Variants in ATP6V0A4 observed in about 807,000 individuals in gnomAD.
The protein encoded by ATP6V0A4 is V-type proton ATPase 116 kDa subunit a 4.
ATP6V0A4 carries 86 observed loss-of-function variants against 107.3 expected under a neutral mutation model. That is an observed-to-expected ratio of 0.80 (90% CI 0.67 to 0.96). The LOEUF (loss-of-function observed/expected upper bound fraction) is 0.96. Ranked by LOEUF, ATP6V0A4 falls within the 40% of genes least tolerant of loss-of-function variation. ATP6V0A4 has a pLI of 0.00. For missense variants in ATP6V0A4, 908 were observed against 1,045.6 expected, an observed-to-expected ratio of 0.87 and a Z score of 1.81; for synonymous variants, 353 against 381.4, an observed-to-expected ratio of 0.93 and a Z score of 0.87.
At chr7:138,745,521 G>A (rs1805870624) in intron 13 of ATP6V0A4, among the ~76,000 whole-genome samples, 1 of 151,708 alleles carries the variant, frequency 6.6e-6, no homozygotes, top group Non-Finnish European at 1.5e-5. Context: ...AACCATATAG[G>A]CAAAAATTAG....
chr7:138,744,755 T>G (rs1805824953), intron 14 of ATP6V0A4, among the ~76,000 whole-genome samples: 1 of 151,880 alleles, frequency 6.6e-6, no homozygotes, highest in East Asian at 1.9e-4. Context: ...CAGGCTGGAG[T>G]GCAGTGGCGC....
intron 2 of ATP6V0A4, among the ~76,000 whole-genome samples, chr7:138,778,823 T>C (rs6979424): frequency 0.36 from 54,635 of 151,820 alleles, 11,546 homozygotes; most frequent in Admixed American, 0.49. Context: ...TTGCCCCTGT[T>C]GGGGGTGTCA....
Position 138,739,534 on chromosome 7 carries a change from T to C in ATP6V0A4, c.1572+6A>G. ...AGAAATATTTAACCCAAGAAGACAT[T>C]ATTACCGGATCAATCCCAAACGGGT... is the stretch of plus-strand genomic sequence containing the variant. On this transcript the variant is annotated splice_donor_region_variant and intron_variant, in intron 15 of 21. Transcript: ENST00000310018. The C allele has an allele frequency of 3.1e-6, 5 of 1,614,058 alleles. No homozygotes were observed. Among genetic ancestry groups the C allele is most frequent in the Non-Finnish European group, 4.2e-6 (5 of 1,179,970 alleles).
chr7:138,783,064 G>A (rs1807995035), intron 2 of ATP6V0A4, among the ~76,000 whole-genome samples: 1 of 152,090 alleles, frequency 6.6e-6, no homozygotes, highest in Admixed American at 6.6e-5. Flanking sequence ...GACAGAGCAA[G>A]ACTCCATTCC....
intron 2 of ATP6V0A4, among the ~76,000 whole-genome samples, chr7:138,780,415 C>G (rs1040016920): frequency 3.9e-5 from 6 of 152,154 alleles, no homozygotes; most frequent in African/African-American, 1.4e-4. Context: ...CTACTCCCCT[C>G]CAGCTATGTG....
intron 2 of ATP6V0A4, among the ~76,000 whole-genome samples, chr7:138,784,238 A>ATATATATATATACATATATATATATACG (rs1584950814): frequency 2.0e-5 from 1 of 49,004 alleles, no homozygotes; most frequent in Non-Finnish European, 3.8e-5. Flanking sequence ...ATATATACGT[A>ATATATATATATACATATATATATATACG]TATATATATA....
rs1562996991 is a variant in ATP6V0A4 at position 138,745,197 on chromosome 7, G to A, written c.1404C>T (p.Asp468=). ...AGATGTTCAAGGACTTGGAGAAGCAGTCATTGTAGATCAAACCCGTGTAGA... is the reference window on the plus strand; with the variant it reads ...AGATGTTCAAGGACTTGGAGAAGCAATCATTGTAGATCAAACCCGTGTAGA... ...FSIYTGLIYN[D]CFSKSLNIFG... Residue 468 remains aspartate (D), a synonymous_variant, in exon 14 of 22, where the codon GAC becomes GAT. Coordinates refer to ENST00000310018, the MANE Select transcript of ATP6V0A4 (RefSeq NM_020632.3). 5 of 1,614,228 alleles carry A rather than the reference G, an allele frequency of 3.1e-6. No homozygotes were observed. The highest frequency in any genetic ancestry group is 3.4e-6 in the Non-Finnish European group (4 of 1,180,044).
chr7:138,719,777 T>C (rs1804335047), intron 19 of ATP6V0A4, among the ~76,000 whole-genome samples: 1 of 152,162 alleles, frequency 6.6e-6, no homozygotes, highest in Non-Finnish European at 1.5e-5. Flanking sequence ...CTCAGCACTT[T>C]GGGAGGCCGA....
chr7:138,721,844 C>T, intron 19 of ATP6V0A4, 53 bp downstream of exon 19: 1 of 1,606,478 alleles, frequency 6.2e-7, no homozygotes, highest in South Asian at 1.1e-5. Flanking sequence ...TATGTCCATT[C>T]TAGAATTTGT....
chr7:138,721,598 G>T (rs188860066), intron 19 of ATP6V0A4, among the ~76,000 whole-genome samples: 4 of 152,134 alleles, frequency 2.6e-5, no homozygotes, highest in Non-Finnish European at 5.9e-5. Context: ...TCAGTGACAC[G>T]CAGGACCTTC....
At chr7:138,762,091 A>G (rs972650045) in intron 7 of ATP6V0A4, among the ~76,000 whole-genome samples, 12 of 152,184 alleles carry the variant, frequency 7.9e-5, no homozygotes. Flanking sequence ...ACAGCTTCCA[A>G]TGGGGGAGCA....
At chr7:138,790,375 C>T (rs1405046358) in intron 1 of ATP6V0A4, among the ~76,000 whole-genome samples, 1 of 152,100 alleles carries the variant, frequency 6.6e-6, no homozygotes, top group Non-Finnish European at 1.5e-5. Context: ...CTCACTGCAA[C>T]CTCTGCCTCT....
intron 19 of ATP6V0A4, among the ~76,000 whole-genome samples, chr7:138,718,530 CGGGT>C (rs1804240726): frequency 4.1e-5 from 2 of 48,330 alleles, no homozygotes; most frequent in Admixed American, 2.8e-4. Context: ...AGGAATGGGG[CGGGT>C]GGTGCAGTCA....
In ATP6V0A4 at chr7:138,773,343, TC is replaced by T; in HGVS notation, c.-17-2080del. Among the ~76,000 whole-genome samples the T allele has an allele frequency of 6.6e-6, 1 of 152,178 alleles. No individual in the cohort carries two copies. Among genetic ancestry groups the T allele is most frequent in the East Asian group, 1.9e-4 (1 of 5,178 alleles). On this transcript the variant is annotated intron_variant, in intron 2 of 21. Transcript: ENST00000310018. The surrounding 1 kb of genome is among the most constrained non-coding windows in gnomAD (Gnocchi z 5.4). ...TCAATATCCTCCTCTCCACCGTCCA[TC>T]CCACGCCCCGCATGACCCTGTCACT...
chr7:138,718,230 GCGCGCAGTTATGGA>G (rs1562980388), intron 19 of ATP6V0A4, among the ~76,000 whole-genome samples: 12 of 20,030 alleles, frequency 6.0e-4, no homozygotes, highest in South Asian at 2.2e-3. Flanking sequence ...GTGTGTGTGT[GCGCGCAGTTATGGA>G]TGTCTGCGGA....
At chr7:138,743,031 G>C (rs920714026) in intron 14 of ATP6V0A4, among the ~76,000 whole-genome samples, 2 of 151,950 alleles carry the variant, frequency 1.3e-5, no homozygotes, top group Non-Finnish European at 1.5e-5. Context: ...AGGGAACTTA[G>C]GCCTAGCAGA....
chr7:138,728,062 T>G (rs998564221), intron 18 of ATP6V0A4, among the ~76,000 whole-genome samples: 3 of 152,120 alleles, frequency 2.0e-5, no homozygotes, highest in Non-Finnish European at 4.4e-5. Flanking sequence ...CTTTAGAATA[T>G]TAATGAAAAA....
In ATP6V0A4 at chr7:138,749,177, C is replaced by T. The variant is rs201159182; in HGVS notation, c.1170G>A (p.Glu390=). 1 of 1,614,096 alleles carries T rather than the reference C, an allele frequency of 6.2e-7. No homozygotes were observed. Among genetic ancestry groups the T allele is most frequent in the Non-Finnish European group, 8.5e-7 (1 of 1,180,024 alleles). The change falls in exon 12 of 22, where the codon GAG becomes GAA. Residue 390 remains glutamate, a synonymous_variant. Transcript: ENST00000310018. ...VDAYGVGSYR[E]INPAPYTIIT... ...TCATCAGATCTTTACCTGGGTTTAT[C>T]TCCCGGTAGCTGCCGACACCATAGG...
intron 3 of ATP6V0A4, among the ~76,000 whole-genome samples, chr7:138,770,784 G>A (rs1807341371): frequency 6.6e-6 from 1 of 152,166 alleles, no homozygotes; most frequent in Non-Finnish European, 1.5e-5. Context: ...TTTATGGTCA[G>A]AATAAGGTTT....
Sources: allele counts gnomAD v4.1 joint callset (sites outside exome capture counted in the v4.1 genomes callset), GRCh38; gene constraint gnomAD v4.1.1; non-coding constraint Gnocchi (gnomAD v3.1); transcripts MANE v1.5; gene names NCBI Gene and HGNC (gene_info 2026-07-23, HGNC 2026-07-21).